SMYD3: variants seen among roughly 807,000 people sequenced by gnomAD.
The protein encoded by SMYD3 is histone-lysine N-methyltransferase SMYD3.
A neutral mutation model predicts 57.7 loss-of-function variants in SMYD3; 36 were observed. The ratio of observed to expected loss-of-function variants is 0.62; its 90% CI spans 0.48 to 0.82. The LOEUF (loss-of-function observed/expected upper bound fraction) is 0.82, where lower values mean the gene tolerates loss of function less well. Among genes scored for constraint, SMYD3 ranks in the 40% least tolerant of loss-of-function variants. The probability of loss-of-function intolerance (pLI) is 0.00; values close to 1 mark genes in which losing one functional copy is unlikely to be tolerated. For missense variants in SMYD3, 515 were observed against 538.8 expected (o/e 0.96, Z 0.44); for synonymous variants, 211 against 195.0 (o/e 1.08, Z -0.68).
intron 5 of SMYD3, among the ~76,000 whole-genome samples, chr1:246,185,856 A>C (rs1311183977): frequency 6.6e-6 from 1 of 152,158 alleles, no homozygotes; most frequent in Non-Finnish European, 1.5e-5. Flanking sequence ...GAACTTACAC[A>C]ATTTTTACAT....
intron 5 of SMYD3, chr1:246,052,855 C>G (rs890525189): frequency 2.6e-5 from 4 of 152,198 alleles, no homozygotes; most frequent in African/African-American, 9.6e-5. Context: ...GCACTTTGTA[C>G]TTTGCCTGTC....
chr1:246,352,206 C>T (rs2065843059), intron 2 of SMYD3, among the ~76,000 whole-genome samples: 2 of 150,442 alleles, frequency 1.3e-5, no homozygotes, highest in African/African-American at 4.9e-5. Flanking sequence ...TGACACCATC[C>T]TGTGGGCACA....
At chr1:246,477,192 T>C (rs930870625) in intron 1 of SMYD3, among the ~76,000 whole-genome samples, 9 of 152,224 alleles carry the variant, frequency 5.9e-5, no homozygotes, top group African/African-American at 2.2e-4. Context: ...ACACTCCCTT[T>C]TAAGGACTAT....
At chr1:246,492,403 T>C (rs1368388064) in intron 1 of SMYD3, among the ~76,000 whole-genome samples, 1 of 152,116 alleles carries the variant, frequency 6.6e-6, no homozygotes, top group African/African-American at 2.4e-5. Context: ...AGAACGCCGA[T>C]GGCTCCTGAC....
intron 10 of SMYD3, among the ~76,000 whole-genome samples, chr1:245,844,451 C>A (rs1464347936): frequency 3.9e-5 from 6 of 152,182 alleles, no homozygotes; most frequent in Non-Finnish European, 7.3e-5. Context: ...AAATCCAATT[C>A]AAATAGGCTG....
intron 5 of SMYD3, among the ~76,000 whole-genome samples, chr1:245,947,186 G>A (rs567378487): frequency 1.3e-5 from 2 of 152,228 alleles, no homozygotes; most frequent in African/African-American, 2.4e-5. Flanking sequence ...ATAGCCAGCC[G>A]CCATTCCCAA....
intron 1 of SMYD3, among the ~76,000 whole-genome samples, chr1:246,473,412 A>T (rs565242973): frequency 3.5e-4 from 53 of 152,344 alleles, no homozygotes; most frequent in Admixed American, 6.5e-4. Flanking sequence ...TTTGCTAAGT[A>T]TTCTGCTCAT....
chr1:245,849,783 G>A (rs1158300008), intron 10 of SMYD3, among the ~76,000 whole-genome samples: 1 of 152,072 alleles, frequency 6.6e-6, no homozygotes, highest in East Asian at 1.9e-4. Context: ...CTCCCTGGTG[G>A]CTGGGACTAC....
chr1:246,382,438 G>A (rs2066404264), intron 1 of SMYD3, among the ~76,000 whole-genome samples: 1 of 151,980 alleles, frequency 6.6e-6, no homozygotes, highest in Non-Finnish European at 1.5e-5. Flanking sequence ...CAGAGTCCAG[G>A]CCTGCCTCAG....
intron 1 of SMYD3, among the ~76,000 whole-genome samples, chr1:246,423,228 C>T (rs2067169300): frequency 6.7e-6 from 1 of 149,258 alleles, no homozygotes; most frequent in Non-Finnish European, 1.5e-5. Context: ...ACCCGGGAAA[C>T]GAAGGTTGCA....
At chr1:246,327,831 C>G (rs2065380497) in intron 4 of SMYD3, among the ~76,000 whole-genome samples, 1 of 152,076 alleles carries the variant, frequency 6.6e-6, no homozygotes, top group Non-Finnish European at 1.5e-5. Context: ...TGTCATATGG[C>G]TAGTACATCA....
intron 5 of SMYD3, among the ~76,000 whole-genome samples, chr1:246,157,199 G>C (rs2062035615): frequency 6.6e-6 from 1 of 152,078 alleles, no homozygotes; most frequent in South Asian, 2.1e-4. Flanking sequence ...TCCACTGCTT[G>C]GCCTCTGTTT....
At chr1:245,816,043 G>C (rs2148312731) in intron 10 of SMYD3, among the ~76,000 whole-genome samples, 1 of 152,280 alleles carries the variant, frequency 6.6e-6, no homozygotes, top group Non-Finnish European at 1.5e-5. Context: ...ACCGAATATG[G>C]GCCACAGTAT....
chr1:246,042,038 G>T (rs151021370), intron 5 of SMYD3, among the ~76,000 whole-genome samples: 2,029 of 152,206 alleles, frequency 0.013, 16 homozygotes, highest in Non-Finnish European at 0.022. Flanking sequence ...TTTGTTCAAG[G>T]TCTTATGACT....
intron 1 of SMYD3, among the ~76,000 whole-genome samples, chr1:246,398,890 C>CCTCT (rs1490842795): frequency 2.0e-5 from 3 of 152,170 alleles, no homozygotes; most frequent in African/African-American, 7.2e-5. Flanking sequence ...AACACCCAGC[C>CCTCT]CTCTTTCTAC....
intron 5 of SMYD3, among the ~76,000 whole-genome samples, chr1:246,179,715 G>A (rs1009217278): frequency 6.6e-6 from 1 of 152,162 alleles, no homozygotes; most frequent in Non-Finnish European, 1.5e-5. Context: ...TTAACCTTGA[G>A]TATATGAAGG....
intron 5 of SMYD3, among the ~76,000 whole-genome samples, chr1:246,065,912 G>T (rs985981496): frequency 2.6e-5 from 4 of 152,116 alleles, no homozygotes; most frequent in Non-Finnish European, 5.9e-5. Context: ...ACTAACATGA[G>T]ACTTTTTTCT....
chr1:245,936,107 A>C (rs776566084), intron 5 of SMYD3, among the ~76,000 whole-genome samples: 3 of 152,226 alleles, frequency 2.0e-5, no homozygotes, highest in Non-Finnish European at 4.4e-5. Flanking sequence ...CCTTGTATAC[A>C]TTTACCAAAA....
chr1:245,855,886 A>G (rs1431040934), intron 10 of SMYD3, among the ~76,000 whole-genome samples: 1 of 152,224 alleles, frequency 6.6e-6, no homozygotes, highest in Non-Finnish European at 1.5e-5. Context: ...AGTTGTTGCA[A>G]ACAATATATT....
Sources: gnomAD v4.1 joint callset for allele counts (sites outside exome capture counted in the v4.1 genomes callset) on GRCh38, gnomAD v4.1.1 for gene constraint, MANE v1.5 for transcripts, NCBI Gene and HGNC (gene_info 2026-07-23, HGNC 2026-07-21) for gene names.